Variants in ANKS1B observed in about 807,000 individuals in gnomAD.
ANKS1B encodes the protein ankyrin repeat and sterile alpha motif domain containing 1B.
A neutral mutation model predicts 148.3 loss-of-function variants in ANKS1B; 36 were observed. The ratio of observed to expected loss-of-function variants is 0.24; its 90% CI spans 0.19 to 0.32. The LOEUF (loss-of-function observed/expected upper bound fraction) is 0.32. ANKS1B is among the 10% of genes least tolerant of loss of function. The probability of loss-of-function intolerance (pLI) is 1.00; values close to 1 mark genes in which losing one functional copy is unlikely to be tolerated. For synonymous variants in ANKS1B, 542 were observed against 560.8 expected, an observed-to-expected ratio of 0.97 and a Z score of 0.47; for missense variants, 1,157 against 1,542.6, an observed-to-expected ratio of 0.75 and a Z score of 4.19.
intron 10 of ANKS1B, among the ~76,000 whole-genome samples, chr12:99,454,642 TA>T (rs2095816534): frequency 6.6e-6 from 1 of 152,214 alleles, no homozygotes; most frequent in African/African-American, 2.4e-5. Context: ...TTTAGCATAA[TA>T]ATTCACCAGA....
intron 19 of ANKS1B, 39 bp from the exon 20 acceptor site, chr12:98,807,957 T>G: frequency 6.6e-7 from 1 of 1,519,192 alleles, no homozygotes; most frequent in Non-Finnish European, 9.1e-7. Context: ...TGTCAATATT[T>G]AAAACATGGC....
At chr12:99,263,745 A>G (rs1429435680) in intron 12 of ANKS1B, among the ~76,000 whole-genome samples, 1 of 151,406 alleles carries the variant, frequency 6.6e-6, no homozygotes, top group Non-Finnish European at 1.5e-5. Context: ...CTACACACAC[A>G]CTCACTCTCT....
chr12:99,379,141 C>T (rs551809272), intron 12 of ANKS1B, among the ~76,000 whole-genome samples: 2 of 152,042 alleles, frequency 1.3e-5, no homozygotes, highest in African/African-American at 2.4e-5. Flanking sequence ...GTTTGCTTCT[C>T]GAGGTCTATT....
chr12:99,693,110 A>T (rs2053366339), intron 8 of ANKS1B, among the ~76,000 whole-genome samples: 1 of 152,246 alleles, frequency 6.6e-6, no homozygotes, highest in Non-Finnish European at 1.5e-5. Context: ...ACTTAAAAAG[A>T]GCAGTCAAGG....
intron 14 of ANKS1B, among the ~76,000 whole-genome samples, chr12:99,173,258 A>G (rs991414570): frequency 6.6e-6 from 1 of 152,138 alleles, no homozygotes; most frequent in Non-Finnish European, 1.5e-5. Context: ...CAACTGGTAA[A>G]TCTCTAATTC....
At chr12:99,069,523 T>C (rs1249470829) in intron 16 of ANKS1B, among the ~76,000 whole-genome samples, 2 of 152,204 alleles carry the variant, frequency 1.3e-5, no homozygotes, top group African/African-American at 4.8e-5. Context: ...ATATAATGCA[T>C]TGAAGAAAAA....
In ANKS1B at chr12:98,829,111, T is replaced by G. The variant is rs894712813; in HGVS notation, c.3066+63A>C. ...ATAAGCATCCATAGGAAGCTACTGT[T>G]CACTATTAAAAGGCATTACCTGATA... On this transcript the variant is annotated intron_variant, in intron 19 of 26. Coordinates refer to ENST00000683438, the MANE Select transcript of ANKS1B (RefSeq NM_001352186.2). This position sits in a 1 kb window ranked among gnomAD's most constrained non-coding sequence, Gnocchi z 5.2. The G allele has an allele frequency of 5.1e-6, 8 of 1,580,594 alleles. No individual in the cohort carries two copies. The African/African-American group carries it at 1.1e-4, about 21-fold the overall frequency.
At chr12:99,022,628 A>G (rs780084205) in intron 17 of ANKS1B, among the ~76,000 whole-genome samples, 6 of 152,070 alleles carry the variant, frequency 3.9e-5, no homozygotes, top group Non-Finnish European at 7.4e-5. Context: ...GAAAGTGGCC[A>G]TCTGTGTTTT....
At chr12:99,605,443 T>C (rs890745157) in intron 9 of ANKS1B, among the ~76,000 whole-genome samples, 1 of 152,016 alleles carries the variant, frequency 6.6e-6, no homozygotes, top group African/African-American at 2.4e-5. Context: ...CCTATCTAGT[T>C]GTAACTTTGA....
intron 14 of ANKS1B, among the ~76,000 whole-genome samples, chr12:99,222,671 A>G (rs2085309145): frequency 6.6e-6 from 1 of 152,186 alleles, no homozygotes; most frequent in South Asian, 2.1e-4. Flanking sequence ...ATACTTTGAA[A>G]TGTTCAATTT....
intron 1 of ANKS1B, among the ~76,000 whole-genome samples, chr12:99,960,401 C>T (rs2095394102): frequency 6.6e-6 from 1 of 152,208 alleles, no homozygotes; most frequent in Non-Finnish European, 1.5e-5. Context: ...AATCATGTCT[C>T]TCTTAACCTT....
chr12:99,071,077 C>T (rs985033374), intron 16 of ANKS1B, among the ~76,000 whole-genome samples: 4 of 152,178 alleles, frequency 2.6e-5, no homozygotes, highest in Non-Finnish European at 4.4e-5. Flanking sequence ...TTTTACTTAA[C>T]GTACAAAACT....
At chr12:98,857,240 G>A (rs771347124) in intron 17 of ANKS1B, among the ~76,000 whole-genome samples, 4 of 152,210 alleles carry the variant, frequency 2.6e-5, no homozygotes, top group Admixed American at 6.5e-5. Context: ...CTTAGAGGAC[G>A]CTGTTCACAG....
chr12:98,870,637 C>G (rs556163390), intron 17 of ANKS1B, among the ~76,000 whole-genome samples: 2 of 152,204 alleles, frequency 1.3e-5, no homozygotes, highest in African/African-American at 2.4e-5. Context: ...TAACTGGTAA[C>G]GAGGTGGTGA....
At chr12:99,074,216 T>C (rs2047117925) in intron 16 of ANKS1B, among the ~76,000 whole-genome samples, 1 of 152,098 alleles carries the variant, frequency 6.6e-6, no homozygotes, top group Admixed American at 6.6e-5. Flanking sequence ...TCAGAACCTA[T>C]TTTCCTGCCT....
intron 16 of ANKS1B, among the ~76,000 whole-genome samples, chr12:99,070,891 C>T (rs1281120919): frequency 1.3e-5 from 2 of 152,194 alleles, no homozygotes; most frequent in East Asian, 1.9e-4. Context: ...TCTTGAAGTC[C>T]TTCCCTCACG....
intron 26 of ANKS1B, among the ~76,000 whole-genome samples, chr12:98,746,078 G>T (rs1324404861): frequency 6.6e-6 from 1 of 152,210 alleles, no homozygotes; most frequent in East Asian, 1.9e-4. Context: ...TTGCCCTTGT[G>T]AGCACACAGA....
chr12:98,996,492 G>T (rs1057388900), intron 17 of ANKS1B, among the ~76,000 whole-genome samples: 11 of 152,222 alleles, frequency 7.2e-5, no homozygotes, highest in East Asian at 3.9e-4. Context: ...AGAGGGTTCT[G>T]CTGGCCAGAT....
intron 15 of ANKS1B, among the ~76,000 whole-genome samples, chr12:99,109,112 G>A (rs2059790008): frequency 6.6e-6 from 1 of 152,082 alleles, no homozygotes; most frequent in East Asian, 1.9e-4. Flanking sequence ...CTCCCTGGCT[G>A]GTCAGGGAAC....
Sources: allele counts gnomAD v4.1 joint callset (sites outside exome capture counted in the v4.1 genomes callset), GRCh38; gene constraint gnomAD v4.1.1; non-coding constraint Gnocchi (gnomAD v3.1); transcripts MANE v1.5; gene names NCBI Gene and HGNC (gene_info 2026-07-23, HGNC 2026-07-21).